The following LOC400499 variants were observed in gnomAD, a reference collection of about 807,000 sequenced individuals.
At chr16:11,404,965 G>A in the LOC400499 span, 4 of 397,874 alleles carry the variant, frequency 1.0e-5, no homozygotes, top group African/African-American at 8.2e-5. Context: ...GGGAATATTT[G>A]TGGATCATTT....
chr16:11,504,296 C>T, the LOC400499 span, among the ~76,000 whole-genome samples: 1 of 152,212 alleles, frequency 6.6e-6, no homozygotes, highest in Non-Finnish European at 1.5e-5. Flanking sequence ...TGGTTCACGC[C>T]TGTAATCCCA....
At chr16:11,485,907 A>ATGGGAAAT in the LOC400499 span, among the ~76,000 whole-genome samples, 749 of 152,286 alleles carry the variant, frequency 4.9e-3, 9 homozygotes, top group African/African-American at 0.017. Flanking sequence ...ACAGAGATGG[A>ATGGGAAAT]TGGGAAATTA....
chr16:11,484,869 C>A, the LOC400499 span: 1 of 399,028 alleles, frequency 2.5e-6, no homozygotes. Context: ...GGTGTGGCCA[C>A]CTCCCTTACC....
chr16:11,439,374 C>T, the LOC400499 span: 1 of 396,836 alleles, frequency 2.5e-6, no homozygotes, highest in African/African-American at 2.1e-5. Context: ...GTGTGGGCTC[C>T]CTCCCTCGGG....
the LOC400499 span, among the ~76,000 whole-genome samples, chr16:11,493,158 C>T: frequency 6.6e-6 from 1 of 152,134 alleles, no homozygotes; most frequent in South Asian, 2.1e-4. Flanking sequence ...GTAACTTTGA[C>T]TCTGAGTAAG....
the LOC400499 span, chr16:11,514,538 G>C: frequency 5.0e-6 from 2 of 399,788 alleles, no homozygotes; most frequent in Non-Finnish European, 8.8e-6. Context: ...GGTCAGGCCG[G>C]GCTGCGGACC....
chr16:11,501,760 G>C, the LOC400499 span, among the ~76,000 whole-genome samples: 1 of 152,054 alleles, frequency 6.6e-6, no homozygotes, highest in African/African-American at 2.4e-5. Flanking sequence ...GGTACCCTAG[G>C]TGCATTGGAA....
the LOC400499 span, among the ~76,000 whole-genome samples, chr16:11,524,150 G>A: frequency 9.4e-5 from 1 of 10,628 alleles, no homozygotes; most frequent in Non-Finnish European, 1.6e-4. Flanking sequence ...CCCCCCATCC[G>A]TCCATCCACC....
chr16:11,460,817 G>A, the LOC400499 span: 4 of 1,203,650 alleles, frequency 3.3e-6, no homozygotes, highest in Middle Eastern at 2.9e-4. Context: ...TAATGGGCAG[G>A]TATTCAGTCC....
chr16:11,380,206 A>G, the LOC400499 span, among the ~76,000 whole-genome samples: 210 of 151,736 alleles, frequency 1.4e-3, 1 homozygote, highest in African/African-American at 4.8e-3. Flanking sequence ...ATTACAATAC[A>G]GGTCTTTATA....
At chr16:11,425,061 C>T in the LOC400499 span, 1 of 398,606 alleles carries the variant, frequency 2.5e-6, no homozygotes. Flanking sequence ...TTTATCCCCC[C>T]TCCCTTGGCT....
the LOC400499 span, among the ~76,000 whole-genome samples, chr16:11,420,869 G>A: frequency 1.3e-5 from 2 of 152,120 alleles, no homozygotes; most frequent in African/African-American, 2.4e-5. Flanking sequence ...CTGGGTGTGC[G>A]GGAAGCCCTG....
the LOC400499 span, among the ~76,000 whole-genome samples, chr16:11,425,805 C>T: frequency 9.2e-5 from 14 of 152,138 alleles, no homozygotes; most frequent in Non-Finnish European, 1.3e-4. Flanking sequence ...CTCATACAAA[C>T]TCGTTCAGAA....
At chr16:11,374,942 G>A in the LOC400499 span, among the ~76,000 whole-genome samples, 404 of 152,128 alleles carry the variant, frequency 2.7e-3, no homozygotes, top group African/African-American at 9.2e-3. Context: ...TCCGCCTCCC[G>A]GGTTCAAGTG....
chr16:11,511,626 C>T, the LOC400499 span, among the ~76,000 whole-genome samples: 4 of 152,166 alleles, frequency 2.6e-5, no homozygotes, highest in South Asian at 8.3e-4. Flanking sequence ...ATATGAAATT[C>T]CAGAACAGGA....
At chr16:11,385,114 A>G in the LOC400499 span, 2 of 1,231,696 alleles carry the variant, frequency 1.6e-6, no homozygotes, top group Non-Finnish European at 2.0e-6. Flanking sequence ...CAGCCAGGTG[A>G]CAAGCTTGAA....
chr16:11,431,269 T>C, the LOC400499 span: 1 of 399,050 alleles, frequency 2.5e-6, no homozygotes, highest in Non-Finnish European at 4.4e-6. Context: ...ATGGGCTTTG[T>C]AGTCAGGCAA....
chr16:11,447,013 CAGAGTTA>C, the LOC400499 span: 1 of 1,340,846 alleles, frequency 7.5e-7, no homozygotes, highest in Non-Finnish European at 1.0e-6. Context: ...CACGAGCTTG[CAGAGTTA>C]AGACTCTGCC....
At chr16:11,405,023 G>A in the LOC400499 span, among the ~76,000 whole-genome samples, 3 of 152,208 alleles carry the variant, frequency 2.0e-5, no homozygotes, top group Non-Finnish European at 4.4e-5. Flanking sequence ...AAACCCAAAT[G>A]CTTCCTAAGG....
Sources: gnomAD v4.1 joint callset for allele counts (sites outside exome capture counted in the v4.1 genomes callset) on GRCh38, gnomAD v4.1.1 for gene constraint, MANE v1.5 for transcripts.